ALDH16A1: variants seen among roughly 807,000 people sequenced by gnomAD.
ALDH16A1 encodes the protein aldehyde dehydrogenase family 16 member A1.
In ALDH16A1, 88 loss-of-function variants were observed where a neutral mutation model predicts 96.1. The observed-to-expected ratio is 0.92, with a 90% confidence interval of 0.77 to 1.09. The LOEUF (loss-of-function observed/expected upper bound fraction) is 1.09, where lower values mean the gene tolerates loss of function less well. ALDH16A1 is among the 50% of genes least tolerant of loss of function. ALDH16A1 has a pLI of 0.00. For synonymous variants in ALDH16A1, 522 were observed against 496.4 expected, an observed-to-expected ratio of 1.05 and a Z score of -0.69; for missense variants, 1,250 against 1,112.6, an observed-to-expected ratio of 1.12 and a Z score of -1.76.
chr19:49,466,135 C>A lies in ALDH16A1; in HGVS notation c.1790C>A (p.Ala597Asp). ...GCAGCCCTGCTGTGGGCCCTGGCGG[C>A]TGCACTGGAGCGCCGGAAGTCTACC... ...ARAALLWALA[A>D]ALERRKSTLA... The change falls in exon 14 of 17, where the codon GCT becomes GAT. Residue 597 changes from alanine (A) to aspartate (D), a missense_variant. Ala to Asp is a moderately radical substitution (Grantham distance 126). Transcript: ENST00000293350. The A allele has an allele frequency of 6.4e-7, 1 of 1,556,684 alleles. No homozygotes were observed. Among genetic ancestry groups the A allele is most frequent in the Non-Finnish European group, 8.7e-7 (1 of 1,153,416 alleles).
chr19:49,461,217 G>A (rs1311964360), intron 5 of ALDH16A1, among the ~76,000 whole-genome samples: 3 of 119,956 alleles, frequency 2.5e-5, no homozygotes, highest in South Asian at 2.4e-4. Context: ...GGAGGGGCTG[G>A]GGTCTGGACT....
rs530879622 is a variant in ALDH16A1, at chr19:49,466,371, G to A, written c.1938+88G>A. 1.7e-4 allele frequency: 233 copies of A among 1,338,228 alleles called. 2 individuals are homozygous for A. In the South Asian group the frequency reaches 3.4e-3, roughly 20 times the overall value. The allele number at this position is 1,338,228 out of a possible 1,614,324, so 82.9% of individuals were successfully genotyped here. On this transcript the variant is annotated intron_variant, in intron 14 of 16. Transcript: ENST00000293350. The stretch of plus-strand genomic sequence containing the variant: ...GTGAGATAACCCAGGCTTGGAATTC[G>A]GGCCCAGCCCCACCGCCTTCCACGG...
intron 16 of ALDH16A1, 156 bp from the exon 17 acceptor site, chr19:49,470,150 A>G (rs1477514712): frequency 4.6e-6 from 4 of 863,552 alleles, no homozygotes; most frequent in African/African-American, 1.7e-5. Context: ...TTTCCCTACC[A>G]TCTGGAAGTT....
Position 49,453,310 on chromosome 19 carries a change from C to T in ALDH16A1, c.-22C>T. On this transcript the variant is annotated 5_prime_UTR_variant, in exon 1 of 17. Coordinates refer to ENST00000293350, the MANE Select transcript of ALDH16A1 (RefSeq NM_153329.4). ...AACACAGAGCGCCCCGCAGTCTTCGCGGAAAGCGTTCGGGGTAGGCGATGG... is the reference window on the plus strand; with the variant it reads ...AACACAGAGCGCCCCGCAGTCTTCGTGGAAAGCGTTCGGGGTAGGCGATGG... 1 of 1,540,338 alleles carries T rather than the reference C, an allele frequency of 6.5e-7. No homozygotes were observed. Among genetic ancestry groups the T allele is most frequent in the Non-Finnish European group, 8.7e-7 (1 of 1,143,692 alleles).
At position 49,461,874 on chromosome 19, in the gene ALDH16A1, G is replaced by C. The variant is rs76844851; in HGVS notation, c.760-10G>C. On this transcript the variant is annotated splice_polypyrimidine_tract_variant and intron_variant, in intron 6 of 16. Transcript: ENST00000293350. ...GCTCCTCCTGCGGCTGAACTGGGGG[G>C]GGTCCCTAGGAAGGGCGTGCCCTTC... The C allele has an allele frequency of 7.0e-4, 1,106 of 1,585,340 alleles. 5 individuals are homozygous for C. In the East Asian group the frequency reaches 0.017, roughly 24 times the overall value.
In ALDH16A1 at chr19:49,459,244, C is replaced by T. The variant is rs899821674; in HGVS notation, c.320+158C>T. ...TGGAGGCAGTCGTGGCTGAAACATG[C>T]ATCCGTTGTCCACTATTCACTGGGA... On this transcript the variant is annotated intron_variant, in intron 3 of 16. Transcript: ENST00000293350. The surrounding 1 kb of genome is among the most constrained non-coding windows in gnomAD (Gnocchi z 4.1). Among the ~76,000 whole-genome samples the T allele has an allele frequency of 1.3e-5, 2 of 152,222 alleles. No individual in the cohort carries two copies. The highest frequency in any genetic ancestry group is 2.1e-4 in the South Asian group (1 of 4,832).
At chr19:49,458,648 C>T (rs1159238979) in intron 2 of ALDH16A1, 60 bp downstream of exon 2, 13 of 1,490,928 alleles carry the variant, frequency 8.7e-6, no homozygotes, top group Non-Finnish European at 1.2e-5. Context: ...TAGCCCTACC[C>T]ACCAACACCC....
rs1194117017 is a variant in ALDH16A1, at chr19:49,463,852, A to AG, written c.1099dup. On this transcript the variant is annotated splice_acceptor_variant, in intron 8 of 16. Coordinates refer to ENST00000293350, the MANE Select transcript of ALDH16A1 (RefSeq NM_153329.4). LOFTEE classifies it high-confidence loss of function. Reference sequence around the variant, plus strand: ...CGACTTCTAGATCATTTCTCTCCCTAGGTGTTCCAGGCTGGTGATGTGCCT... The same window carrying AG: ...CGACTTCTAGATCATTTCTCTCCCTAGGGTGTTCCAGGCTGGTGATGTGCCT... 1 of 1,612,348 alleles carries AG rather than the reference A, an allele frequency of 6.2e-7. No individual in the cohort carries two copies. The highest frequency in any genetic ancestry group is 8.5e-7 in the Non-Finnish European group (1 of 1,179,050).
intron 13 of ALDH16A1, 66 bp downstream of exon 13, chr19:49,465,971 A>G (rs141443519): frequency 2.7e-4 from 420 of 1,564,734 alleles, no homozygotes; most frequent in Non-Finnish European, 3.4e-4. Flanking sequence ...GCCCACAGCA[A>G]TTGGTGGACT....
At chr19:49,463,975 C>A (rs769883430) in intron 9 of ALDH16A1, 26 bp downstream of exon 9, 38 of 1,593,560 alleles carry the variant, frequency 2.4e-5, no homozygotes, top group South Asian at 2.1e-4. Context: ...CTGCAGAGCT[C>A]CTACCCACCG....
chr19:49,466,396 G>A, intron 14 of ALDH16A1, 113 bp downstream of exon 14: 7 of 1,172,928 alleles, frequency 6.0e-6, no homozygotes, highest in Non-Finnish European at 8.0e-6. Flanking sequence ...GCCTTCCACG[G>A]CAGGATCATC....
intron 7 of ALDH16A1, 30 bp from the exon 8 acceptor site, chr19:49,462,534 AATGGTG>A (rs758161622): frequency 3.1e-6 from 5 of 1,601,170 alleles, no homozygotes; most frequent in Non-Finnish European, 4.3e-6. Flanking sequence ...GCTAGAGTGC[AATGGTG>A]TGATCTCCTG....
Position 49,458,690 on chromosome 19 carries a change from A to G in ALDH16A1, c.193+102A>G. On this transcript the variant is annotated intron_variant, in intron 2 of 16. Transcript: ENST00000293350. ...CTTGCCTAGGGCCCTGAGGGCAGGA[A>G]ACAGCTGGTGGTGGGAGATGGGCTG... The G allele has an allele frequency of 2.3e-6, 3 of 1,298,378 alleles. No homozygotes were observed. In the South Asian group the frequency reaches 3.9e-5, roughly 17 times the overall value. 80.4% of individuals were successfully genotyped at this position (1,298,378 alleles called of 1,614,324 possible). A position where few individuals can be genotyped will look rare whatever the true frequency, so the allele number is the denominator to read the frequency against.
chr19:49,464,827 C>T (rs2079185180), intron 12 of ALDH16A1, 65 bp downstream of exon 12: 1 of 1,603,918 alleles, frequency 6.2e-7, no homozygotes, highest in Admixed American at 1.7e-5. Context: ...TGCCTGTTTC[C>T]CCGTGGACTG....
At chr19:49,462,982 T>TG (rs377498181) in intron 8 of ALDH16A1, among the ~76,000 whole-genome samples, 4 of 61,440 alleles carry the variant, frequency 6.5e-5, no homozygotes, top group Non-Finnish European at 2.9e-5. Context: ...GAGGAGGGGC[T>TG]GGGGCCTGGA....
At position 49,459,947 on chromosome 19, in the gene ALDH16A1, G is replaced by A; in HGVS notation, c.499+99G>A. 7.1e-7 allele frequency: 1 copy of A among 1,407,998 alleles called. No homozygotes were observed. 87.2% of individuals were successfully genotyped at this position (1,407,998 alleles called of 1,614,324 possible). A position where few individuals can be genotyped will look rare whatever the true frequency, so the allele number is the denominator to read the frequency against. ...TTCTTTTAGACAGAGTTTCGCTCTT[G>A]TCGCCCAGGCCGGAGTGCAGTGGCG... On this transcript the variant is annotated intron_variant, in intron 4 of 16. Transcript: ENST00000293350. The surrounding 1 kb of genome is among the most constrained non-coding windows in gnomAD (Gnocchi z 4.1).
rs776507003 is a variant in ALDH16A1 at position 49,468,544 on chromosome 19, T to C, written c.2102T>C (p.Leu701Pro). 1.2e-6 allele frequency: 2 copies of C among 1,604,578 alleles called. No homozygotes were observed. Among genetic ancestry groups the C allele is most frequent in the South Asian group, 2.2e-5 (2 of 91,062 alleles). Residue 701 changes from leucine (L) to proline (P), a missense_variant, in exon 15 of 17, where the codon CTG (leucine) becomes CCG (proline). By Grantham distance (98) the Leu-to-Pro change is moderately conservative (BLOSUM62 -3). Transcript: ENST00000293350. The surrounding 1 kb of genome is among the most constrained non-coding windows in gnomAD (Gnocchi z 4.4). ...VVMVPSAACP[L>P]LALEVCQDMA... Reference sequence around the variant, plus strand: ...ATGGTGCCCAGTGCGGCCTGTCCTCTGCTGGCCCTGGAGGTCTGCCAGGTA... The same window carrying C: ...ATGGTGCCCAGTGCGGCCTGTCCTCCGCTGGCCCTGGAGGTCTGCCAGGTA...
chr19:49,466,066 C>T lies in ALDH16A1; in HGVS notation c.1737-16C>T, dbSNP rs537055080. On this transcript the variant is annotated splice_polypyrimidine_tract_variant and intron_variant, in intron 13 of 16. Transcript: ENST00000293350. ...GACCAGGATGCCAACCCCCACTGTG[C>T]GCTGTCTGCCCACAGCTGGGCGGGC... 9.1e-5 allele frequency: 140 copies of T among 1,540,286 alleles called. 1 individual carries two copies. In the East Asian group the frequency reaches 3.2e-3, roughly 35 times the overall value.
At chr19:49,469,362 A>T (rs2079226203) in intron 16 of ALDH16A1, 1 of 159,692 alleles carries the variant, frequency 6.3e-6, no homozygotes, top group African/African-American at 2.4e-5. Flanking sequence ...CCACCGTCCC[A>T]CCTCAGCTTC....
Sources: allele counts gnomAD v4.1 joint callset (sites outside exome capture counted in the v4.1 genomes callset), GRCh38; gene constraint gnomAD v4.1.1; non-coding constraint Gnocchi (gnomAD v3.1); transcripts MANE v1.5; gene names NCBI Gene and HGNC (gene_info 2026-07-23, HGNC 2026-07-21).